ADGB: variants seen among roughly 807,000 people sequenced by gnomAD.
ADGB encodes the protein androglobin.
In ADGB, 172 loss-of-function variants were observed where a neutral mutation model predicts 210.5. That is an observed-to-expected ratio of 0.82 (90% confidence interval 0.72 to 0.93). ADGB has a LOEUF of 0.93. Among genes scored for constraint, ADGB ranks in the 40% least tolerant of loss-of-function variants. ADGB has a pLI of 0.00. For synonymous variants in ADGB, 658 were observed against 662.7 expected, an observed-to-expected ratio of 0.99 and a Z score of 0.11; for missense variants, 2,025 against 1,964.8, an observed-to-expected ratio of 1.03 and a Z score of -0.58.
intron 25 of ADGB, among the ~76,000 whole-genome samples, chr6:146,741,799 C>T (rs946634521): frequency 1.1e-4 from 16 of 152,322 alleles, no homozygotes; most frequent in Middle Eastern, 3.4e-3. Context: ...GACCTTCACT[C>T]AAACCACATT....
intron 1 of ADGB, among the ~76,000 whole-genome samples, chr6:146,603,371 G>C (rs1189499825): frequency 6.6e-6 from 1 of 152,118 alleles, no homozygotes; most frequent in Non-Finnish European, 1.5e-5. Context: ...GTATATCATA[G>C]ACAAGATAAC....
intron 8 of ADGB, among the ~76,000 whole-genome samples, 165 bp downstream of exon 8, chr6:146,672,632 TAAG>T (rs1776025885): frequency 6.6e-6 from 1 of 151,920 alleles, no homozygotes; most frequent in African/African-American, 2.4e-5. Flanking sequence ...CAGAATGAAG[TAAG>T]AAGAGATAGT....
At chr6:146,606,793 G>A (rs1490659223) in intron 1 of ADGB, among the ~76,000 whole-genome samples, 3 of 152,056 alleles carry the variant, frequency 2.0e-5, no homozygotes, top group South Asian at 2.1e-4. Flanking sequence ...ATGCTGCTTC[G>A]GTCACTGTAG....
chr6:146,685,555 G>C (rs1776219682), intron 9 of ADGB, among the ~76,000 whole-genome samples, 179 bp from the exon 10 acceptor site: 1 of 151,948 alleles, frequency 6.6e-6, no homozygotes, highest in Admixed American at 6.6e-5. Context: ...GAATGAGACA[G>C]GCTACAAAAT....
chr6:146,766,850 A>G (rs938899465), intron 28 of ADGB, among the ~76,000 whole-genome samples: 18 of 152,214 alleles, frequency 1.2e-4, no homozygotes, highest in Non-Finnish European at 1.9e-4. Flanking sequence ...TAGATATCCA[A>G]TTCTAGCAGT....
chr6:146,663,167 T>TATAGATAATTATAAA (rs1490821544), intron 5 of ADGB, among the ~76,000 whole-genome samples: 1 of 140,984 alleles, frequency 7.1e-6, no homozygotes, highest in African/African-American at 2.6e-5. Flanking sequence ...TATATATTTA[T>TATAGATAATTATAAA]TATATATTAT....
At chr6:146,663,605 A>G (rs901942519) in intron 5 of ADGB, among the ~76,000 whole-genome samples, 1 of 152,066 alleles carries the variant, frequency 6.6e-6, no homozygotes, top group African/African-American at 2.4e-5. Flanking sequence ...ACATGCACGC[A>G]AACGTATTTT....
At chr6:146,652,363 A>G (rs969517576) in intron 3 of ADGB, among the ~76,000 whole-genome samples, 2 of 152,188 alleles carry the variant, frequency 1.3e-5, no homozygotes, top group South Asian at 2.1e-4. Context: ...TTTATAATTT[A>G]TGATCTGCAG....
chr6:146,691,459 A>AATATATATATAAATATATATAT (rs1776319367), intron 11 of ADGB, among the ~76,000 whole-genome samples, 169 bp downstream of exon 11: 5 of 44,720 alleles, frequency 1.1e-4, no homozygotes, highest in African/African-American at 2.4e-4. Flanking sequence ...TATATATATA[A>AATATATATATAAATATATATAT]AAATATATAT....
chr6:146,643,710 T>C (rs1349050549), intron 2 of ADGB, among the ~76,000 whole-genome samples: 1 of 151,946 alleles, frequency 6.6e-6, no homozygotes, highest in African/African-American at 2.4e-5. Context: ...GTTATGCAGA[T>C]GTTCACAGCA....
intron 33 of ADGB, among the ~76,000 whole-genome samples, chr6:146,795,180 A>G (rs1237154599): frequency 6.6e-5 from 10 of 152,206 alleles, no homozygotes; most frequent in Non-Finnish European, 1.2e-4. Context: ...AACCCACAAT[A>G]ATCCCTTGGG....
chr6:146,734,155 G>T, intron 22 of ADGB, 125 bp downstream of exon 22: 4 of 957,640 alleles, frequency 4.2e-6, no homozygotes, highest in Non-Finnish European at 4.5e-6. Context: ...TCTAAATAAT[G>T]AAATTATTTG....
intron 11 of ADGB, 137 bp downstream of exon 11, chr6:146,691,427 T>TATATATATATAA (rs1776309050): frequency 7.2e-5 from 2 of 27,808 alleles, no homozygotes; most frequent in African/African-American, 4.7e-4. Context: ...TATATATATA[T>TATATATATATAA]ATATATATAT....
intron 14 of ADGB, among the ~76,000 whole-genome samples, chr6:146,716,613 A>AG (rs1776739430): frequency 7.9e-6 from 1 of 125,964 alleles, no homozygotes; most frequent in Admixed American, 7.0e-5. Flanking sequence ...AAAAAAAAAA[A>AG]AAAAAAAAAA....
intron 13 of ADGB, among the ~76,000 whole-genome samples, chr6:146,710,533 T>C (rs1020354158): frequency 6.6e-6 from 1 of 152,154 alleles, no homozygotes; most frequent in African/African-American, 2.4e-5. Flanking sequence ...TTTAATTGGT[T>C]TGGCTCTTAT....
chr6:146,672,353 A>C lies in ADGB; in HGVS notation c.973A>C (p.Lys325Gln), dbSNP rs2114903129. 2 of 1,551,466 alleles carry C rather than the reference A, an allele frequency of 1.3e-6. No individual in the cohort carries two copies. Among genetic ancestry groups the C allele is most frequent in the African/African-American group, 2.7e-5 (2 of 73,116 alleles). The change falls in exon 8 of 36, where the codon AAG (lysine) becomes CAG (glutamine). Residue 325 changes from lysine (K) to glutamine (Q), a missense_variant. Lys to Gln is a moderately conservative substitution (Grantham distance 53). Coordinates refer to ENST00000397944, the MANE Select transcript of ADGB (RefSeq NM_024694.4). ...ATTAAAAGAACCAGGGAAAGAAGGG[A>C]AGGAGGGAAAAGAAATAAAGGATGG... ...SKLKEPGKEG[K>Q]EGKEIKDGKE...
At chr6:146,693,398 T>G (rs1432749932) in intron 12 of ADGB, among the ~76,000 whole-genome samples, 8 of 152,138 alleles carry the variant, frequency 5.3e-5, no homozygotes, top group Admixed American at 2.6e-4. Context: ...AGGCAGCTGT[T>G]GGCAGGCAGG....
intron 29 of ADGB, among the ~76,000 whole-genome samples, chr6:146,769,334 G>A (rs1247488322): frequency 2.0e-5 from 3 of 151,770 alleles, no homozygotes; most frequent in Non-Finnish European, 4.4e-5. Context: ...TGTTTTATAA[G>A]GAAAAAATAT....
chr6:146,627,138 G>T (rs1780984930), intron 1 of ADGB, among the ~76,000 whole-genome samples: 1 of 151,492 alleles, frequency 6.6e-6, no homozygotes, highest in African/African-American at 2.4e-5. Flanking sequence ...TATTAGTTTG[G>T]TGCAAAAGTA....
Sources: gnomAD v4.1 joint callset for allele counts (sites outside exome capture counted in the v4.1 genomes callset) on GRCh38, gnomAD v4.1.1 for gene constraint, MANE v1.5 for transcripts, NCBI Gene and HGNC (gene_info 2026-07-23, HGNC 2026-07-21) for gene names.